Variants in LHFPL3 observed in about 807,000 individuals in gnomAD.
The protein encoded by LHFPL3 is LHFPL tetraspan subfamily member 3 protein.
In LHFPL3, 5 loss-of-function variants were observed where a neutral mutation model predicts 19.3. The observed-to-expected ratio is 0.26, with a 90% CI of 0.14 to 0.54. The LOEUF (loss-of-function observed/expected upper bound fraction) is 0.54, where lower values mean the gene tolerates loss of function less well. Ranked by LOEUF, LHFPL3 falls within the 20% of genes least tolerant of loss-of-function variation. LHFPL3 has a pLI of 0.94. For missense variants in LHFPL3, 249 were observed against 307.4 expected, an observed-to-expected ratio of 0.81 and a Z score of 1.42; for synonymous variants, 133 against 126.2, an observed-to-expected ratio of 1.05 and a Z score of -0.36.
At chr7:104,329,827 A>T (rs1162495762) in intron 1 of LHFPL3, among the ~76,000 whole-genome samples, 1 of 152,224 alleles carries the variant, frequency 6.6e-6, no homozygotes, top group South Asian at 2.1e-4. Flanking sequence ...TGTAAGAAGA[A>T]TGTAGCTTAG....
At chr7:104,470,012 G>T (rs1165366964) in intron 1 of LHFPL3, 1 of 455,990 alleles carries the variant, frequency 2.2e-6, no homozygotes, top group South Asian at 1.5e-5. Flanking sequence ...CAAAATCCCA[G>T]GTAATGATGC....
chr7:104,384,539 C>A (rs1790895283), intron 1 of LHFPL3, among the ~76,000 whole-genome samples: 1 of 151,934 alleles, frequency 6.6e-6, no homozygotes, highest in African/African-American at 2.4e-5. Context: ...GTAATCCCAG[C>A]ACTTTGGGAG....
At chr7:104,576,825 C>T (rs1456922366) in intron 1 of LHFPL3, among the ~76,000 whole-genome samples, 1 of 152,100 alleles carries the variant, frequency 6.6e-6, no homozygotes, top group Admixed American at 6.6e-5. Context: ...AAAGTATTAC[C>T]GCCCAAATTC....
chr7:104,842,023 TCTC>T (rs1460920058), intron 2 of LHFPL3, among the ~76,000 whole-genome samples: 4 of 151,706 alleles, frequency 2.6e-5, no homozygotes, highest in Non-Finnish European at 5.9e-5. Flanking sequence ...CTCCCCCTCC[TCTC>T]CTCCTCTCTC....
At chr7:104,363,127 T>A (rs913115807) in intron 1 of LHFPL3, among the ~76,000 whole-genome samples, 5 of 152,072 alleles carry the variant, frequency 3.3e-5, no homozygotes, top group South Asian at 2.1e-4. Context: ...GAGAAGGGAG[T>A]TTGTTTTGGC....
At chr7:104,654,744 A>C (rs983243959) in intron 1 of LHFPL3, among the ~76,000 whole-genome samples, 1 of 152,138 alleles carries the variant, frequency 6.6e-6, no homozygotes, top group Non-Finnish European at 1.5e-5. Flanking sequence ...CCTACCTGAA[A>C]ATGAAGAGCT....
chr7:104,358,808 A>G (rs1439002695), intron 1 of LHFPL3, among the ~76,000 whole-genome samples: 1 of 152,164 alleles, frequency 6.6e-6, no homozygotes, highest in Non-Finnish European at 1.5e-5. Context: ...TTTCTTCTCG[A>G]TAAATTCTTT....
At chr7:104,462,114 G>A (rs1242624270) in intron 1 of LHFPL3, among the ~76,000 whole-genome samples, 1 of 152,214 alleles carries the variant, frequency 6.6e-6, no homozygotes, top group East Asian at 1.9e-4. Flanking sequence ...CTGTGCTGAA[G>A]TTGTTTATCA....
chr7:104,596,292 C>T (rs887970647), intron 1 of LHFPL3, among the ~76,000 whole-genome samples: 3 of 152,200 alleles, frequency 2.0e-5, no homozygotes, highest in African/African-American at 7.2e-5. Flanking sequence ...TGAAGAGCTT[C>T]CCTGTGATCT....
At chr7:104,515,108 G>A (rs1793896228) in intron 1 of LHFPL3, among the ~76,000 whole-genome samples, 1 of 152,182 alleles carries the variant, frequency 6.6e-6, no homozygotes. Context: ...CCTATGAAGT[G>A]AAATTGTGAG....
chr7:104,843,091 C>T (rs1791245172), intron 2 of LHFPL3, among the ~76,000 whole-genome samples: 1 of 152,056 alleles, frequency 6.6e-6, no homozygotes, highest in Admixed American at 6.5e-5. Flanking sequence ...CCTGGCAGCC[C>T]TAACCCCTTC....
chr7:104,400,122 A>G (rs888849788), intron 1 of LHFPL3, among the ~76,000 whole-genome samples: 2 of 107,212 alleles, frequency 1.9e-5, no homozygotes, highest in Non-Finnish European at 3.6e-5. Context: ...AAAAAAAAAA[A>G]AAAAAAAAAA....
At chr7:104,456,728 G>C (rs115454571) in intron 1 of LHFPL3, among the ~76,000 whole-genome samples, 5 of 152,092 alleles carry the variant, frequency 3.3e-5, no homozygotes, top group Admixed American at 3.3e-4. Context: ...AGAGCTTTTT[G>C]AACGCAAGCA....
chr7:104,379,979 G>A (rs971059272), intron 1 of LHFPL3, among the ~76,000 whole-genome samples: 8 of 152,102 alleles, frequency 5.3e-5, no homozygotes, highest in Admixed American at 2.0e-4. Context: ...TAGATTTAAT[G>A]GGAAAAACAC....
At chr7:104,692,901 T>C (rs1366462286) in intron 1 of LHFPL3, among the ~76,000 whole-genome samples, 2 of 152,082 alleles carry the variant, frequency 1.3e-5, no homozygotes, top group Non-Finnish European at 2.9e-5. Context: ...GACCCCAAAA[T>C]GGTAGATCCA....
At chr7:104,873,539 G>A (rs1404488690) in intron 2 of LHFPL3, among the ~76,000 whole-genome samples, 2 of 152,168 alleles carry the variant, frequency 1.3e-5, no homozygotes, top group African/African-American at 4.8e-5. Flanking sequence ...GAAGCAGGAA[G>A]ATGGCCCGAG....
chr7:104,523,981 A>G (rs1268616465), intron 1 of LHFPL3, among the ~76,000 whole-genome samples: 2 of 152,218 alleles, frequency 1.3e-5, no homozygotes, highest in Admixed American at 1.3e-4. Flanking sequence ...GCCGTCAATT[A>G]ATCTGTAAAC....
chr7:104,530,129 A>G (rs756540598), intron 1 of LHFPL3, among the ~76,000 whole-genome samples: 2 of 152,240 alleles, frequency 1.3e-5, no homozygotes, highest in Non-Finnish European at 2.9e-5. Flanking sequence ...ATATTTGGAA[A>G]TAAAAGATGA....
At chr7:104,609,271 A>G (rs1428876292) in intron 1 of LHFPL3, among the ~76,000 whole-genome samples, 1 of 152,134 alleles carries the variant, frequency 6.6e-6, no homozygotes, top group Non-Finnish European at 1.5e-5. Flanking sequence ...TCAAAAAAAA[A>G]AGAAAAGAAA....
Sources: gnomAD v4.1 joint callset for allele counts (sites outside exome capture counted in the v4.1 genomes callset) on GRCh38, gnomAD v4.1.1 for gene constraint, MANE v1.5 for transcripts, NCBI Gene and HGNC (gene_info 2026-07-23, HGNC 2026-07-21) for gene names.